The following PLEKHA7 variants were observed in gnomAD, a reference collection of about 807,000 sequenced individuals.
PLEKHA7 encodes pleckstrin homology domain containing A7.
A neutral mutation model predicts 170.0 loss-of-function variants in PLEKHA7; 104 were observed. That is an observed-to-expected ratio of 0.61 (90% CI 0.52 to 0.72). The LOEUF is 0.72. Ranked by LOEUF, PLEKHA7 falls within the 30% of genes least tolerant of loss-of-function variation. The pLI is 0.00. For missense variants in PLEKHA7, 1,615 were observed against 1,671.7 expected, an observed-to-expected ratio of 0.97 and a Z score of 0.59; for synonymous variants, 648 against 660.8, an observed-to-expected ratio of 0.98 and a Z score of 0.30.
intron 3 of PLEKHA7, among the ~76,000 whole-genome samples, chr11:17,000,835 C>T (rs1864620880): frequency 6.6e-6 from 1 of 152,160 alleles, no homozygotes; most frequent in South Asian, 2.1e-4. Context: ...ATCCCAGAAT[C>T]CATGTTTTGT....
At position 16,887,584 on chromosome 11, in the gene PLEKHA7, C is replaced by T. The variant is rs558208134; in HGVS notation, c.222-16402G>A. 3.9e-5 allele frequency among the ~76,000 whole-genome samples: 6 copies of T among 152,294 alleles called. No individual in the cohort carries two copies. The South Asian group carries it at 1.2e-3, about 32-fold the overall frequency. Reference sequence around the variant, plus strand: ...GGCTTTCGTATTTTTTTGGTGGAGACGGGGTTTCGCTGTGTTGGCCGGGCT... The same window carrying T: ...GGCTTTCGTATTTTTTTGGTGGAGATGGGGTTTCGCTGTGTTGGCCGGGCT... On this transcript the variant is annotated intron_variant, in intron 3 of 26. Transcript: ENST00000531066.
chr11:16,825,322 G>A (rs967648282), intron 10 of PLEKHA7, among the ~76,000 whole-genome samples: 3 of 152,250 alleles, frequency 2.0e-5, no homozygotes, highest in Admixed American at 1.3e-4. Flanking sequence ...TCAGGCCTGT[G>A]GCAGACTTGG....
intron 4 of PLEKHA7, among the ~76,000 whole-genome samples, chr11:16,868,542 G>A (rs1854577016): frequency 6.6e-6 from 1 of 152,158 alleles, no homozygotes; most frequent in Admixed American, 6.5e-5. Context: ...GCTTGCTGCT[G>A]TACCTGTAGA....
At chr11:16,931,796 T>C (rs1300607131) in intron 3 of PLEKHA7, among the ~76,000 whole-genome samples, 1 of 143,880 alleles carries the variant, frequency 7.0e-6, no homozygotes, top group African/African-American at 2.6e-5. Flanking sequence ...AAGAAGAAGC[T>C]GAACAGAATC....
At chr11:16,909,021 C>G (rs1157431798) in intron 3 of PLEKHA7, among the ~76,000 whole-genome samples, 1 of 152,168 alleles carries the variant, frequency 6.6e-6, no homozygotes, top group African/African-American at 2.4e-5. Flanking sequence ...GTTCTCCCCC[C>G]TACTCTGTGA....
At position 16,967,868 on chromosome 11, in the gene PLEKHA7, A is replaced by G. The variant is rs74464631; in HGVS notation, c.221+46121T>C. Reference sequence around the variant, plus strand: ...ACCCCACCCCTCACCAGCCAACTTCAGACCTTTCTTTAGACTAATTGCCCA... The same window carrying G: ...ACCCCACCCCTCACCAGCCAACTTCGGACCTTTCTTTAGACTAATTGCCCA... On this transcript the variant is annotated intron_variant, in intron 3 of 26. Transcript: ENST00000531066. Among the ~76,000 whole-genome samples, 354 of 152,278 alleles carry G rather than the reference A, an allele frequency of 2.3e-3. 1 individual carries two copies. Among genetic ancestry groups the G allele is most frequent in the African/African-American group, 7.4e-3 (309 of 41,566 alleles).
chr11:16,901,712 T>A (rs1857351970), intron 3 of PLEKHA7, among the ~76,000 whole-genome samples: 1 of 151,890 alleles, frequency 6.6e-6, no homozygotes, highest in South Asian at 2.1e-4. Context: ...CTACAAAAAA[T>A]ACAAAAAAAT....
chr11:16,883,245 C>G (rs570126938), intron 3 of PLEKHA7, among the ~76,000 whole-genome samples: 3 of 152,228 alleles, frequency 2.0e-5, no homozygotes, highest in Middle Eastern at 3.4e-3. Flanking sequence ...CGAAGACTCA[C>G]ACTCTTAAGA....
chr11:16,903,301 G>A (rs917570099), intron 3 of PLEKHA7, among the ~76,000 whole-genome samples: 3 of 152,198 alleles, frequency 2.0e-5, no homozygotes, highest in Non-Finnish European at 2.9e-5. Flanking sequence ...AGTAGCTGAA[G>A]TGAACCAAAT....
chr11:16,959,333 G>A (rs533436658), intron 3 of PLEKHA7, among the ~76,000 whole-genome samples: 3 of 152,058 alleles, frequency 2.0e-5, no homozygotes, highest in East Asian at 1.9e-4. Flanking sequence ...TCTCCATCCA[G>A]TCAGTGGGAA....
chr11:16,783,353 ATG>A (rs1849177446), intron 25 of PLEKHA7, among the ~76,000 whole-genome samples: 1 of 152,224 alleles, frequency 6.6e-6, no homozygotes, highest in African/African-American at 2.4e-5. Context: ...ACAGGCCCGA[ATG>A]CTGGCAGGCC....
intron 3 of PLEKHA7, among the ~76,000 whole-genome samples, chr11:16,986,584 T>A (rs551819503): frequency 6.6e-6 from 1 of 152,016 alleles, no homozygotes; most frequent in African/African-American, 2.4e-5. Flanking sequence ...ACCATAAAAA[T>A]TGCTCACTAT....
rs1864496940 is a variant in PLEKHA7 at position 16,998,838 on chromosome 11, T to C, written c.221+15151A>G. 1.3e-4 allele frequency among the ~76,000 whole-genome samples: 16 copies of C among 125,260 alleles called. 1 individual carries two copies. The Admixed American group carries it at 1.4e-3, about 11-fold the overall frequency. 82.2% of individuals were successfully genotyped at this position (125,260 alleles called of 152,430 possible). The stretch of plus-strand genomic sequence containing the variant: ...TTTTTTAAATCCCCAGGTCAAAATG[T>C]GTTGAAAAAAAAAAATCTTGCCAAA... On this transcript the variant is annotated intron_variant, in intron 3 of 26. Coordinates refer to ENST00000531066, the MANE Select transcript of PLEKHA7 (RefSeq NM_001329630.2).
chr11:16,854,796 T>G (rs1180909417), intron 6 of PLEKHA7, 93 bp downstream of exon 6: 2 of 1,066,314 alleles, frequency 1.9e-6, no homozygotes, highest in Non-Finnish European at 2.9e-6. Context: ...ACAGAAAGCT[T>G]ATGTGCCCAT....
intron 3 of PLEKHA7, among the ~76,000 whole-genome samples, chr11:16,925,699 G>A (rs1472221312): frequency 6.6e-6 from 1 of 152,172 alleles, no homozygotes; most frequent in Non-Finnish European, 1.5e-5. Context: ...GGCGCATCGC[G>A]CGCCCTCCTC....
At chr11:16,994,429 C>T (rs1864221847) in intron 3 of PLEKHA7, among the ~76,000 whole-genome samples, 1 of 152,138 alleles carries the variant, frequency 6.6e-6, no homozygotes, top group South Asian at 2.1e-4. Flanking sequence ...CCTGCTTTCT[C>T]CTTGTTTGGA....
chr11:16,970,629 T>C (rs1862651649), intron 3 of PLEKHA7, among the ~76,000 whole-genome samples: 1 of 151,978 alleles, frequency 6.6e-6, no homozygotes, highest in Non-Finnish European at 1.5e-5. Context: ...ATCGCACCAC[T>C]GCACTCTAGC....
chr11:16,972,048 C>A (rs926266183), intron 3 of PLEKHA7, among the ~76,000 whole-genome samples: 1 of 151,992 alleles, frequency 6.6e-6, no homozygotes, highest in African/African-American at 2.4e-5. Context: ...GTCTTGGACT[C>A]CAGGCCTCAA....
rs1474409899 is a variant in PLEKHA7, at chr11:16,817,154, G to C, written c.1512C>G (p.His504Gln). 3.7e-6 allele frequency: 6 copies of C among 1,614,118 alleles called. No individual in the cohort carries two copies. Among genetic ancestry groups the C allele is most frequent in the Non-Finnish European group, 5.1e-6 (6 of 1,180,058 alleles). Reference protein sequence around the residue: ...DYKYAQDRASHLKMSSEERRA... With the variant: ...DYKYAQDRASQLKMSSEERRA... Reference sequence around the variant, plus strand: ...GGCGCTCTTCACTCGACATCTTCAGGTGGCTGGCTCGGTCCTGCGCATACT... The same window carrying C: ...GGCGCTCTTCACTCGACATCTTCAGCTGGCTGGCTCGGTCCTGCGCATACT... The change falls in exon 11 of 27, where the codon CAC becomes CAG. Residue 504 changes from histidine (H) to glutamine (Q), a missense_variant. His to Gln is a conservative substitution (Grantham distance 24). Transcript: ENST00000531066. The surrounding 1 kb of genome is among the most constrained non-coding windows in gnomAD (Gnocchi z 4.4).
Sources: allele counts gnomAD v4.1 joint callset (sites outside exome capture counted in the v4.1 genomes callset), GRCh38; gene constraint gnomAD v4.1.1; non-coding constraint Gnocchi (gnomAD v3.1); transcripts MANE v1.5; gene names NCBI Gene and HGNC (gene_info 2026-07-23, HGNC 2026-07-21).